The following GUCY2F variants were observed in gnomAD, a reference collection of about 807,000 sequenced individuals.
GUCY2F encodes guanylate cyclase 2F, retinal.
Under a neutral mutation model 73.1 loss-of-function variants are expected in GUCY2F, and 61 were observed. The observed-to-expected ratio is 0.83, with a 90% CI of 0.68 to 1.03. The LOEUF (loss-of-function observed/expected upper bound fraction) is 1.03, where lower values mean the gene tolerates loss of function less well. Among genes scored for constraint, GUCY2F ranks in the 50% least tolerant of loss-of-function variants. The pLI is 0.00. For synonymous variants in GUCY2F, 331 were observed against 307.8 expected (o/e 1.08, Z -0.79); for missense variants, 912 against 854.3 (o/e 1.07, Z -0.84).
At chrX:109,435,727 C>T (rs142362469) in intron 7 of GUCY2F, among the ~76,000 whole-genome samples, 2,658 of 111,419 alleles carry the variant, frequency 0.024, 93 homozygotes, top group African/African-American at 0.082. Context: ...CCAATGCTTC[C>T]AGTTTTTGCC....
chrX:109,417,278 T>C (rs909597812), intron 8 of GUCY2F, among the ~76,000 whole-genome samples: 13 of 111,592 alleles, frequency 1.2e-4, no homozygotes, highest in Non-Finnish European at 1.9e-5. Context: ...AAAACAAATT[T>C]TAACACTATA....
At chrX:109,449,166 C>T (rs1932086112) in intron 5 of GUCY2F, among the ~76,000 whole-genome samples, 1 of 112,062 alleles carries the variant, frequency 8.9e-6, no homozygotes, top group Non-Finnish European at 1.9e-5. Flanking sequence ...GTGGAGAAAA[C>T]AACCACTGAA....
intron 8 of GUCY2F, among the ~76,000 whole-genome samples, chrX:109,413,500 G>A (rs1042745993): frequency 3.0e-4 from 33 of 109,426 alleles, no homozygotes; most frequent in African/African-American, 9.7e-4. Context: ...CGCCTCCCAG[G>A]TTCAAGCGAT....
At chrX:109,470,931 C>T (rs775450741) in intron 2 of GUCY2F, among the ~76,000 whole-genome samples, 1 of 111,856 alleles carries the variant, frequency 8.9e-6, no homozygotes, top group East Asian at 2.8e-4. Context: ...CAATAATTGC[C>T]CTTACTTAAT....
chrX:109,395,521 A>T, intron 11 of GUCY2F, 32 bp from the exon 12 acceptor site: 1 of 1,158,758 alleles, frequency 8.6e-7, no homozygotes, highest in Non-Finnish European at 1.2e-6. Flanking sequence ...ACCGTTTACA[A>T]ATCATGGAAA....
At chrX:109,475,025 C>T (rs1204465793) in intron 2 of GUCY2F, among the ~76,000 whole-genome samples, 182 bp downstream of exon 2, 2 of 112,108 alleles carry the variant, frequency 1.8e-5, no homozygotes, top group Non-Finnish European at 3.8e-5. Flanking sequence ...TTATTCAGTT[C>T]ATAAAATAGG....
intron 8 of GUCY2F, among the ~76,000 whole-genome samples, chrX:109,417,716 A>G (rs911119039): frequency 2.7e-5 from 3 of 111,136 alleles, no homozygotes; most frequent in Non-Finnish European, 5.7e-5. Flanking sequence ...GGGGAGATAA[A>G]AAGCAAGACA....
chrX:109,415,112 C>A (rs1012809924), intron 8 of GUCY2F, among the ~76,000 whole-genome samples: 1 of 110,092 alleles, frequency 9.1e-6, no homozygotes, highest in African/African-American at 3.3e-5. Context: ...AAAAAAAAAA[C>A]CACTGGGGAC....
chrX:109,442,514 C>T (rs1236370415), intron 6 of GUCY2F, among the ~76,000 whole-genome samples: 5 of 111,734 alleles, frequency 4.5e-5, no homozygotes, highest in African/African-American at 1.6e-4. Flanking sequence ...CTTTATTTTA[C>T]TTTGCTTGCC....
chrX:109,451,472 G>A (rs1262027557), intron 5 of GUCY2F, among the ~76,000 whole-genome samples: 2 of 111,685 alleles, frequency 1.8e-5, no homozygotes, highest in Admixed American at 1.9e-4. Flanking sequence ...TGTCTGGGAA[G>A]GGGTTGAGAT....
At chrX:109,410,485 C>T (rs1180354873) in intron 8 of GUCY2F, among the ~76,000 whole-genome samples, 2 of 112,390 alleles carry the variant, frequency 1.8e-5, no homozygotes, top group Non-Finnish European at 3.8e-5. Context: ...AGAATTTTGG[C>T]CACACTTTCT....
rs182315140 is a variant in GUCY2F, at chrX:109,374,045, A to G, written c.*2-1046T>C. On this transcript the variant is annotated intron_variant, in intron 19 of 19. Transcript: ENST00000218006. ...AACATCTCTTATGATGGTGGCAGCAAGTCAGTGGCATTCATAGGTATCATA... is the reference window on the plus strand; with the variant it reads ...AACATCTCTTATGATGGTGGCAGCAGGTCAGTGGCATTCATAGGTATCATA... 4.0e-3 allele frequency among the ~76,000 whole-genome samples: 455 copies of G among 112,352 alleles called. 2 individuals are homozygous for G. Among genetic ancestry groups the G allele is most frequent in the African/African-American group, 0.013 (416 of 30,935 alleles).
chrX:109,419,737 T>C (rs1931320140), intron 8 of GUCY2F, among the ~76,000 whole-genome samples: 1 of 110,549 alleles, frequency 9.0e-6, no homozygotes, highest in African/African-American at 3.3e-5. Context: ...TATTAAGATG[T>C]CCATTTTACC....
intron 19 of GUCY2F, among the ~76,000 whole-genome samples, chrX:109,374,821 C>G (rs898855472): frequency 8.9e-6 from 1 of 112,167 alleles, no homozygotes; most frequent in Non-Finnish European, 1.9e-5. Context: ...AAGAGCCACA[C>G]ACTCAATACA....
intron 10 of GUCY2F, among the ~76,000 whole-genome samples, chrX:109,402,008 G>T (rs1930851015): frequency 9.0e-6 from 1 of 111,493 alleles, no homozygotes; most frequent in South Asian, 3.8e-4. Context: ...GCCATGCAGG[G>T]CTCAGCTCGT....
intron 7 of GUCY2F, among the ~76,000 whole-genome samples, chrX:109,433,202 A>C (rs1285219346): frequency 8.9e-6 from 1 of 112,214 alleles, no homozygotes; most frequent in Non-Finnish European, 1.9e-5. Context: ...TTCTTCCTAG[A>C]GCCAGCCCTA....
intron 14 of GUCY2F, among the ~76,000 whole-genome samples, chrX:109,389,064 A>G (rs1374327526): frequency 8.9e-6 from 1 of 112,105 alleles, no homozygotes; most frequent in Non-Finnish European, 1.9e-5. Flanking sequence ...TTTGGGGTAA[A>G]TAAGCTAGGG....
chrX:109,391,562 A>G (rs780174914), intron 14 of GUCY2F, among the ~76,000 whole-genome samples: 1 of 111,797 alleles, frequency 8.9e-6, no homozygotes, highest in Non-Finnish European at 1.9e-5. Flanking sequence ...TATCCCCTTC[A>G]GTGCCTAGTA....
At chrX:109,426,965 C>T (rs1037848293) in intron 8 of GUCY2F, among the ~76,000 whole-genome samples, 1 of 111,758 alleles carries the variant, frequency 8.9e-6, no homozygotes, top group African/African-American at 3.3e-5. Flanking sequence ...ATGGAAGTAA[C>T]AGGAGGTGTA....
Sources: allele counts gnomAD v4.1 joint callset (sites outside exome capture counted in the v4.1 genomes callset), GRCh38; gene constraint gnomAD v4.1.1; transcripts MANE v1.5; gene names NCBI Gene and HGNC (gene_info 2026-07-23, HGNC 2026-07-21).